Variants in CREB5 observed in about 807,000 individuals in gnomAD.
CREB5 encodes the protein cyclic AMP-responsive element-binding protein 5.
CREB5 carries 19 observed loss-of-function variants against 57.1 expected under a neutral mutation model. The ratio of observed to expected loss-of-function variants is 0.33; its 90% confidence interval spans 0.23 to 0.49. The LOEUF (loss-of-function observed/expected upper bound fraction) is 0.49. Ranked by LOEUF, CREB5 falls within the 20% of genes least tolerant of loss-of-function variation. The probability of loss-of-function intolerance (pLI) is 0.99; values close to 1 mark genes in which losing one functional copy is unlikely to be tolerated. For synonymous variants in CREB5, 238 were observed against 238.3 expected, an observed-to-expected ratio of 1.00 and a Z score of 0.01; for missense variants, 579 against 671.6, an observed-to-expected ratio of 0.86 and a Z score of 1.52.
At chr7:28,562,024 G>T (rs1001153649) in intron 4 of CREB5, among the ~76,000 whole-genome samples, 3 of 152,246 alleles carry the variant, frequency 2.0e-5, no homozygotes, top group African/African-American at 7.2e-5. Flanking sequence ...GGGATTACAG[G>T]CGTGAGCCAC....
intron 7 of CREB5, among the ~76,000 whole-genome samples, chr7:28,795,041 T>C (rs543608384): frequency 6.6e-6 from 1 of 152,336 alleles, no homozygotes; most frequent in South Asian, 2.1e-4. Context: ...TGGACTTGTA[T>C]GGCTCACATC....
intron 1 of CREB5, among the ~76,000 whole-genome samples, chr7:28,475,250 C>CTTTT (rs530903709): frequency 1.7e-5 from 1 of 59,586 alleles, no homozygotes; most frequent in African/African-American, 7.4e-5. Flanking sequence ...TCAGAAGTTT[C>CTTTT]TTTTTTTTTT....
At chr7:28,652,693 A>G (rs1288736523) in intron 5 of CREB5, among the ~76,000 whole-genome samples, 2 of 152,242 alleles carry the variant, frequency 1.3e-5, no homozygotes, top group Non-Finnish European at 2.9e-5. Context: ...GATTAGATGC[A>G]CAATAAACTG....
intron 1 of CREB5, among the ~76,000 whole-genome samples, chr7:28,473,153 T>A (rs34028824): frequency 2.6e-5 from 4 of 151,750 alleles, no homozygotes; most frequent in Non-Finnish European, 5.9e-5. Context: ...TGGGACCCCA[T>A]CTCTACAAAA....
intron 5 of CREB5, among the ~76,000 whole-genome samples, chr7:28,580,267 T>C (rs971009637): frequency 6.6e-6 from 1 of 152,082 alleles, no homozygotes; most frequent in Non-Finnish European, 1.5e-5. Context: ...AGGTGACTGA[T>C]GAATTTTACA....
intron 7 of CREB5, among the ~76,000 whole-genome samples, chr7:28,800,416 G>C (rs1808293351): frequency 6.6e-6 from 1 of 152,212 alleles, no homozygotes; most frequent in Non-Finnish European, 1.5e-5. Flanking sequence ...CGGGAAGGCA[G>C]GCCTACGCCC....
At chr7:28,493,728 T>A (rs1473955984) in intron 2 of CREB5, among the ~76,000 whole-genome samples, 1 of 152,178 alleles carries the variant, frequency 6.6e-6, no homozygotes, top group African/African-American at 2.4e-5. Flanking sequence ...AGTCCCACCA[T>A]GTGACCAGAA....
intron 4 of CREB5, among the ~76,000 whole-genome samples, chr7:28,553,193 C>T (rs1486020645): frequency 1.3e-5 from 2 of 152,186 alleles, no homozygotes; most frequent in Non-Finnish European, 2.9e-5. Flanking sequence ...CTACTTTCTA[C>T]CCACCCCTAA....
chr7:28,703,418 C>T (rs531403153), intron 5 of CREB5, among the ~76,000 whole-genome samples: 25 of 152,214 alleles, frequency 1.6e-4, no homozygotes, highest in African/African-American at 9.6e-5. Context: ...GATCTAAAGA[C>T]GGAGCACTGT....
intron 5 of CREB5, among the ~76,000 whole-genome samples, chr7:28,680,626 G>T (rs1221840165): frequency 1.3e-5 from 2 of 152,056 alleles, no homozygotes; most frequent in African/African-American, 4.8e-5. Context: ...AAGCATGGTG[G>T]TGCACACCTG....
chr7:28,478,472 G>A (rs1239740526), intron 1 of CREB5, among the ~76,000 whole-genome samples: 3 of 152,112 alleles, frequency 2.0e-5, no homozygotes, highest in South Asian at 4.1e-4. Context: ...TGAGAAGCTG[G>A]TTAAGAGGCA....
chr7:28,818,545 A>G (rs974275996), intron 10 of CREB5, among the ~76,000 whole-genome samples: 1 of 152,212 alleles, frequency 6.6e-6, no homozygotes, highest in African/African-American at 2.4e-5. Flanking sequence ...GCCTTGGGTG[A>G]ATCATATCCA....
intron 1 of CREB5, among the ~76,000 whole-genome samples, chr7:28,421,175 T>C (rs1788231820): frequency 6.6e-6 from 1 of 152,166 alleles, no homozygotes. Context: ...CAATGTCCAT[T>C]ATACCACTCT....
chr7:28,450,052 T>C (rs1324450515), intron 1 of CREB5, among the ~76,000 whole-genome samples: 1 of 152,194 alleles, frequency 6.6e-6, no homozygotes, highest in Middle Eastern at 3.2e-3. Flanking sequence ...AAATCACACG[T>C]TCCCTACAAT....
chr7:28,695,345 G>T (rs1202034689), intron 5 of CREB5, among the ~76,000 whole-genome samples: 3 of 152,220 alleles, frequency 2.0e-5, no homozygotes, highest in African/African-American at 7.2e-5. Flanking sequence ...TGCCCTGCCA[G>T]GCCAGTGAGC....
chr7:28,533,103 A>G (rs1793796375), intron 4 of CREB5, among the ~76,000 whole-genome samples: 1 of 152,104 alleles, frequency 6.6e-6, no homozygotes, highest in Admixed American at 6.6e-5. Context: ...GAAAATACAA[A>G]AATTAGCCGG....
In CREB5 at chr7:28,403,435, T is replaced by G. The variant is rs141323314; in HGVS notation, c.-24-91471T>G. Among the ~76,000 whole-genome samples the G allele has an allele frequency of 1.4e-3, 206 of 152,328 alleles. 1 individual carries two copies. Among genetic ancestry groups the G allele is most frequent in the Admixed American group, 2.8e-3 (43 of 15,306 alleles). ...AGGGCATAATAATATCTAAGACTAT[T>G]TTTTCAGTAACTACTAGTGTCAGAC... is the stretch of plus-strand genomic sequence containing the variant. On this transcript the variant is annotated intron_variant, in intron 1 of 9. Transcript: ENST00000396299.
intron 1 of CREB5, among the ~76,000 whole-genome samples, chr7:28,336,258 T>A (rs529531322): frequency 2.8e-4 from 42 of 152,256 alleles, no homozygotes; most frequent in Non-Finnish European, 5.0e-4. Context: ...CAGAACAGTT[T>A]AAGTAGGATT....
rs1210698880 is a variant in CREB5 at position 28,560,949 on chromosome 7, T to TGC, written c.292-9414_292-9413dup. On this transcript the variant is annotated intron_variant, in intron 4 of 10. Transcript: ENST00000357727. ...GCGTGCGTGTGTGCGTGCGTGTGTG[T>TGC]GCGTGTGTGTGCGTGTGTGTGTGCG... 5.2e-3 allele frequency among the ~76,000 whole-genome samples: 180 copies of TGC among 34,716 alleles called. 8 individuals are homozygous for TGC. The South Asian group carries it at 0.056, about 11-fold the overall frequency. The allele number at this position is 34,716 out of a possible 152,430, so 22.8% of individuals were successfully genotyped here.
Sources: gnomAD v4.1 joint callset for allele counts (sites outside exome capture counted in the v4.1 genomes callset) on GRCh38, gnomAD v4.1.1 for gene constraint, MANE v1.5 for transcripts, NCBI Gene and HGNC (gene_info 2026-07-23, HGNC 2026-07-21) for gene names.